Variants in METTL15 observed in about 807,000 individuals in gnomAD.
METTL15 encodes methyltransferase 15, mitochondrial 12S rRNA N4-cytidine, also known as 12S rRNA N(4)-cytidine methyltransferase METTL15.
Under a neutral mutation model 38.3 loss-of-function variants are expected in METTL15, and 34 were observed. The observed-to-expected ratio is 0.89, with a 90% confidence interval of 0.68 to 1.18. METTL15 has a LOEUF of 1.18. METTL15 is among the 50% of genes most tolerant of loss of function. The pLI is 0.00. For missense variants in METTL15, 438 were observed against 498.4 expected, an observed-to-expected ratio of 0.88 and a Z score of 1.15; for synonymous variants, 162 against 170.9, an observed-to-expected ratio of 0.95 and a Z score of 0.41.
At chr11:28,461,015 TAGAC>T (rs1249017948) in intron 6 of METTL15, among the ~76,000 whole-genome samples, 1 of 152,046 alleles carries the variant, frequency 6.6e-6, no homozygotes, top group Non-Finnish European at 1.5e-5. Flanking sequence ...ATTCATTTCA[TAGAC>T]AGAGGGGTTA....
At chr11:28,320,693 A>G (rs557494853) in intron 6 of METTL15, among the ~76,000 whole-genome samples, 1 of 152,332 alleles carries the variant, frequency 6.6e-6, no homozygotes, top group South Asian at 2.1e-4. Context: ...TCAGGTGGCA[A>G]GAGAAATCTA....
chr11:28,420,931 T>TA (rs796444318), intron 5 of METTL15, among the ~76,000 whole-genome samples: 102 of 151,914 alleles, frequency 6.7e-4, no homozygotes, highest in African/African-American at 2.2e-3. Flanking sequence ...TTGTTTTTTT[T>TA]AAAAAGATAA....
At chr11:28,438,181 A>G (rs1000661009) in intron 6 of METTL15, among the ~76,000 whole-genome samples, 3 of 152,224 alleles carry the variant, frequency 2.0e-5, no homozygotes, top group Admixed American at 6.5e-5. Flanking sequence ...ACTCAATTCT[A>G]TTATTATCCT....
intron 3 of METTL15, among the ~76,000 whole-genome samples, chr11:28,172,154 C>T (rs1042469314): frequency 6.6e-6 from 1 of 152,038 alleles, no homozygotes; most frequent in African/African-American, 2.4e-5. Flanking sequence ...ATTTCTGATT[C>T]AGGAATATGT....
intron 4 of METTL15, among the ~76,000 whole-genome samples, chr11:28,226,343 C>T (rs1853476589): frequency 6.6e-6 from 1 of 151,898 alleles, no homozygotes; most frequent in Non-Finnish European, 1.5e-5. Context: ...ACAATTTGAA[C>T]TTCCATTGTT....
At chr11:28,213,054 G>A (rs552862893) in intron 4 of METTL15, among the ~76,000 whole-genome samples, 101 of 152,226 alleles carry the variant, frequency 6.6e-4, no homozygotes, top group African/African-American at 2.4e-3. Context: ...TTTGCTAAAA[G>A]GCATAAACGA....
intron 4 of METTL15, among the ~76,000 whole-genome samples, chr11:28,236,318 T>C (rs528727495): frequency 3.1e-4 from 47 of 152,324 alleles, no homozygotes; most frequent in South Asian, 1.2e-3. Context: ...GATGCTGGCC[T>C]CATAAAATGA....
intron 6 of METTL15, among the ~76,000 whole-genome samples, chr11:28,480,912 A>C (rs1490892648): frequency 3.3e-5 from 5 of 152,156 alleles, no homozygotes; most frequent in Admixed American, 2.6e-4. Flanking sequence ...GAGATCTTTG[A>C]AGCCTTGTCC....
intron 4 of METTL15, among the ~76,000 whole-genome samples, chr11:28,260,637 G>T (rs1855165425): frequency 6.6e-6 from 1 of 152,110 alleles, no homozygotes; most frequent in Non-Finnish European, 1.5e-5. Flanking sequence ...CTACAGTTGA[G>T]CAGATAAATG....
intron 6 of METTL15, among the ~76,000 whole-genome samples, chr11:28,457,880 T>G (rs1015352820): frequency 6.6e-6 from 1 of 152,188 alleles, no homozygotes; most frequent in Non-Finnish European, 1.5e-5. Context: ...GATTTGTACT[T>G]AGACCTAATA....
At chr11:28,510,153 C>T (rs775097931) in intron 6 of METTL15, among the ~76,000 whole-genome samples, 9 of 151,946 alleles carry the variant, frequency 5.9e-5, no homozygotes, top group East Asian at 1.9e-4. Flanking sequence ...TTCCTTACAG[C>T]GCCTGTGTCT....
intron 3 of METTL15, among the ~76,000 whole-genome samples, chr11:28,158,102 C>T (rs1158249389): frequency 6.6e-6 from 1 of 152,026 alleles, no homozygotes; most frequent in Non-Finnish European, 1.5e-5. Flanking sequence ...GCTGGATGGT[C>T]CGGGACTTGG....
chr11:28,136,201 C>G (rs548215987), intron 3 of METTL15, among the ~76,000 whole-genome samples: 4 of 152,194 alleles, frequency 2.6e-5, no homozygotes, highest in Admixed American at 2.6e-4. Context: ...TGGCTGTGTC[C>G]CCACCCAAAT....
At chr11:28,479,282 C>T (rs1299238783) in intron 6 of METTL15, among the ~76,000 whole-genome samples, 1 of 152,120 alleles carries the variant, frequency 6.6e-6, no homozygotes, top group Non-Finnish European at 1.5e-5. Flanking sequence ...AAGCCCTGCC[C>T]TTGTGAAAAT....
chr11:28,367,004 C>A (rs1042783603), intron 5 of METTL15, among the ~76,000 whole-genome samples: 4 of 152,104 alleles, frequency 2.6e-5, no homozygotes, highest in Non-Finnish European at 1.5e-5. Flanking sequence ...TCCTTCCAAG[C>A]TAGCACAGCT....
downstream of METTL15, among the ~76,000 whole-genome samples, chr11:28,336,125 C>CT: frequency 6.6e-6 from 1 of 152,230 alleles, no homozygotes; most frequent in South Asian, 2.1e-4. Flanking sequence ...GGGTTATAGT[C>CT]TGTTTTATTA....
At position 28,291,236 on chromosome 11, in the gene METTL15, G is replaced by A. The variant is rs1183171641; in HGVS notation, c.599+839G>A. Among the ~76,000 whole-genome samples, 6 of 151,690 alleles carry A rather than the reference G, an allele frequency of 4.0e-5. 1 individual carries two copies. The highest frequency in any genetic ancestry group is 8.8e-5 in the Non-Finnish European group (6 of 67,906). On this transcript the variant is annotated intron_variant, in intron 5 of 6. Coordinates refer to ENST00000407364, the MANE Select transcript of METTL15 (RefSeq NM_001113528.2). ...TAATTATTTTTGTATTAGTAGAGAC[G>A]GAGTTTCACATGTTGTCCAGGCTGA... is the stretch of plus-strand genomic sequence containing the variant.
chr11:28,441,126 A>G (rs866563019), intron 6 of METTL15, among the ~76,000 whole-genome samples: 22 of 149,858 alleles, frequency 1.5e-4, no homozygotes, highest in South Asian at 2.1e-4. Flanking sequence ...ATTGAACAGT[A>G]TGAAAAACAT....
intron 6 of METTL15, among the ~76,000 whole-genome samples, chr11:28,427,855 A>G (rs1357819772): frequency 1.3e-5 from 2 of 152,120 alleles, no homozygotes; most frequent in African/African-American, 4.8e-5. Flanking sequence ...GGATCATGTC[A>G]TTTGCAAACA....
Sources: gnomAD v4.1 joint callset for allele counts (sites outside exome capture counted in the v4.1 genomes callset) on GRCh38, gnomAD v4.1.1 for gene constraint, MANE v1.5 for transcripts, NCBI Gene and HGNC (gene_info 2026-07-23, HGNC 2026-07-21) for gene names.